The following TCF20 variants were observed in gnomAD, a reference collection of about 807,000 sequenced individuals.
TCF20 encodes transcription factor 20.
TCF20 carries 3 observed loss-of-function variants against 148.6 expected under a neutral mutation model. The observed-to-expected ratio is 0.02, with a 90% confidence interval of 0.01 to 0.05. TCF20 has a LOEUF of 0.05. TCF20 is among the 10% of genes least tolerant of loss of function. TCF20 has a pLI of 1.00. For missense variants in TCF20, 2,350 were observed against 2,429.3 expected, an observed-to-expected ratio of 0.97 and a Z score of 0.69; for synonymous variants, 1,049 against 909.5, an observed-to-expected ratio of 1.15 and a Z score of -2.76.
rs761310312 is a variant in TCF20 at position 42,209,814 on chromosome 22, G to A, written c.5492C>T (p.Thr1831Ile). 5 of 1,614,140 alleles carry A rather than the reference G, an allele frequency of 3.1e-6. No homozygotes were observed. The Admixed American group carries it at 6.7e-5, about 22-fold the overall frequency. Reference sequence around the variant, plus strand: ...CTCCAGCTCAGGGCCACCTTCTGAAGTGGTGGGCACGGAGGGCTTCGAGTC... The same window carrying A: ...CTCCAGCTCAGGGCCACCTTCTGAAATGGTGGGCACGGAGGGCTTCGAGTC... ...VLDSKPSVPTTSEGGPELELQ... is the reference protein window; with the variant it reads ...VLDSKPSVPTISEGGPELELQ... Residue 1831 changes from threonine to isoleucine, a missense_variant, in exon 2 of 6, where the codon ACT becomes ATT. Physicochemically the swap from Thr to Ile is moderately conservative, Grantham distance 89 (BLOSUM62 -1). Coordinates refer to ENST00000677622, the MANE Select transcript of TCF20 (RefSeq NM_001378418.1).
chr22:42,335,702 C>T (rs1928054216), intron 1 of TCF20, among the ~76,000 whole-genome samples: 1 of 152,160 alleles, frequency 6.6e-6, no homozygotes, highest in Admixed American at 6.5e-5. Flanking sequence ...AAGAACTGGG[C>T]TCTGGGACCT....
chr22:42,303,156 C>T (rs1054208330), intron 1 of TCF20, among the ~76,000 whole-genome samples: 1 of 152,252 alleles, frequency 6.6e-6, no homozygotes, highest in African/African-American at 2.4e-5. Flanking sequence ...TCTCAAACTC[C>T]TGACCTCATG....
Position 42,215,323 on chromosome 22 carries a change from C to A in TCF20, c.-18G>T. 1 of 1,592,974 alleles carries A rather than the reference C, an allele frequency of 6.3e-7. No individual in the cohort carries two copies. Among genetic ancestry groups the A allele is most frequent in the Non-Finnish European group, 8.6e-7 (1 of 1,167,214 alleles). On this transcript the variant is annotated 5_prime_UTR_variant, in exon 2 of 6. Coordinates refer to ENST00000677622, the MANE Select transcript of TCF20 (RefSeq NM_001378418.1). ...GACTGCATACTGTTCAGCAGCACAGCAGCAGGCCAACAGCCCTCCTAGAAA... is the reference window on the plus strand; with the variant it reads ...GACTGCATACTGTTCAGCAGCACAGAAGCAGGCCAACAGCCCTCCTAGAAA...
intron 2 of TCF20, among the ~76,000 whole-genome samples, chr22:42,195,930 A>ACCCC (rs1296429027): frequency 6.6e-6 from 1 of 151,752 alleles, no homozygotes; most frequent in Non-Finnish European, 1.5e-5. Flanking sequence ...TGCACTGATC[A>ACCCC]CCCCCCATGC....
At chr22:42,289,584 G>T (rs142643846) in intron 1 of TCF20, among the ~76,000 whole-genome samples, 2 of 152,216 alleles carry the variant, frequency 1.3e-5, no homozygotes, top group Admixed American at 6.5e-5. Flanking sequence ...GCCCTGAAAG[G>T]TGGTGTAAAG....
At chr22:42,288,626 C>A (rs1050264625), upstream of TCF20, among the ~76,000 whole-genome samples, 3 of 145,498 alleles carry the variant, frequency 2.1e-5, no homozygotes, top group Non-Finnish European at 3.0e-5. Context: ...ATCACTTGAA[C>A]CTGGGAGGGA....
chr22:42,243,382 C>G (rs757833117), intron 1 of TCF20, among the ~76,000 whole-genome samples: 1 of 147,204 alleles, frequency 6.8e-6, no homozygotes, highest in Non-Finnish European at 1.5e-5. Flanking sequence ...GTGGACTGAT[C>G]ACTTGACGTC....
upstream of TCF20, among the ~76,000 whole-genome samples, chr22:42,273,014 G>T (rs570623537): frequency 5.9e-4 from 89 of 151,392 alleles, no homozygotes; most frequent in Non-Finnish European, 1.1e-3. Flanking sequence ...TTATTTAAAA[G>T]AAAAAAATTT....
intron 5 of TCF20, among the ~76,000 whole-genome samples, chr22:42,161,612 G>A (rs1935464591): frequency 6.6e-6 from 1 of 152,194 alleles, no homozygotes; most frequent in African/African-American, 2.4e-5. Flanking sequence ...GCTCCTCAGG[G>A]CATGTCTGCC....
chr22:42,180,661 C>T (rs890042061), intron 2 of TCF20, among the ~76,000 whole-genome samples: 3 of 152,188 alleles, frequency 2.0e-5, no homozygotes, highest in Non-Finnish European at 2.9e-5. Context: ...GCCCCCGACA[C>T]AGATACTGAT....
intron 1 of TCF20, 124 bp from the exon 2 acceptor site, chr22:42,215,465 C>A: frequency 9.6e-6 from 12 of 1,247,872 alleles, no homozygotes; most frequent in South Asian, 1.8e-5. Flanking sequence ...GTTTGAATTT[C>A]TATTTTTTTT....
At chr22:42,230,921 G>T (rs1049148840) in intron 1 of TCF20, among the ~76,000 whole-genome samples, 5 of 152,102 alleles carry the variant, frequency 3.3e-5, no homozygotes, top group African/African-American at 1.2e-4. Flanking sequence ...TACTTTGGAA[G>T]GCCAAGGTGG....
intron 1 of TCF20, among the ~76,000 whole-genome samples, chr22:42,313,034 C>T (rs980264660): frequency 1.1e-4 from 16 of 152,288 alleles, no homozygotes; most frequent in Admixed American, 8.5e-4. Flanking sequence ...GCTCAGGCTC[C>T]CCAGCCTGAG....
At chr22:42,170,363 C>T (rs561947519) in intron 3 of TCF20, among the ~76,000 whole-genome samples, 2 of 150,698 alleles carry the variant, frequency 1.3e-5, no homozygotes, top group South Asian at 4.2e-4. Context: ...TACTGAAAGG[C>T]TGGGTGTGAT....
chr22:42,231,696 C>T (rs1923416355), intron 1 of TCF20, among the ~76,000 whole-genome samples: 1 of 151,952 alleles, frequency 6.6e-6, no homozygotes, highest in Admixed American at 6.5e-5. Context: ...TTGAGAGGCC[C>T]AGGCGGGTGG....
At chr22:42,254,345 A>T (rs567038181) in intron 1 of TCF20, among the ~76,000 whole-genome samples, 1 of 152,254 alleles carries the variant, frequency 6.6e-6, no homozygotes, top group South Asian at 2.1e-4. Flanking sequence ...TCCAAAACTA[A>T]ACTCTTCCTC....
intron 1 of TCF20, among the ~76,000 whole-genome samples, chr22:42,307,183 C>T (rs1341000836): frequency 3.3e-5 from 5 of 152,176 alleles, no homozygotes; most frequent in African/African-American, 7.2e-5. Flanking sequence ...CAGCAGAGGA[C>T]GCCGGCTGCA....
At chr22:42,185,695 A>C (rs1372390061) in intron 2 of TCF20, among the ~76,000 whole-genome samples, 1 of 152,230 alleles carries the variant, frequency 6.6e-6, no homozygotes, top group African/African-American at 2.4e-5. Flanking sequence ...CAAGCTTCTT[A>C]AAGACTACTT....
At chr22:42,223,047 G>T (rs1039011682) in intron 1 of TCF20, among the ~76,000 whole-genome samples, 12 of 152,182 alleles carry the variant, frequency 7.9e-5, no homozygotes, top group African/African-American at 2.9e-4. Flanking sequence ...CACTCCAGAG[G>T]CTGAGGCAGG....
Sources: gnomAD v4.1 joint callset for allele counts (sites outside exome capture counted in the v4.1 genomes callset) on GRCh38, gnomAD v4.1.1 for gene constraint, MANE v1.5 for transcripts, NCBI Gene and HGNC (gene_info 2026-07-23, HGNC 2026-07-21) for gene names.